Variants in XPO1 observed in about 807,000 individuals in gnomAD.
XPO1 encodes the protein exportin 1.
XPO1 carries 5 observed loss-of-function variants against 133.3 expected under a neutral mutation model. That is an observed-to-expected ratio of 0.04 (90% CI 0.02 to 0.08). The LOEUF is 0.08. Ranked by LOEUF, XPO1 falls within the 10% of genes least tolerant of loss-of-function variation. The pLI, the probability that XPO1 is intolerant of heterozygous loss-of-function variation, is 1.00. For synonymous variants in XPO1, 419 were observed against 408.2 expected (o/e 1.03, Z -0.32); for missense variants, 506 against 1,267.5 (o/e 0.40, Z 9.12).
chr2:61,518,094 C>T (rs1341201637), intron 4 of XPO1, among the ~76,000 whole-genome samples: 1 of 151,128 alleles, frequency 6.6e-6, no homozygotes, highest in African/African-American at 2.4e-5. Flanking sequence ...TGCGCCACTG[C>T]ACTCCAGCCT....
At chr2:61,482,902 C>T (rs539244230) in intron 22 of XPO1, 55 bp downstream of exon 22, 33 of 1,605,842 alleles carry the variant, frequency 2.1e-5, no homozygotes, top group African/African-American at 2.7e-5. Flanking sequence ...GGATTATAGG[C>T]GTGAGGCCCT....
chr2:61,524,955 C>A lies in XPO1; in HGVS notation c.228+1465G>T. Among the ~76,000 whole-genome samples, 2 of 150,938 alleles carry A rather than the reference C, an allele frequency of 1.3e-5. 1 individual carries two copies. The highest frequency in any genetic ancestry group is 3.0e-5 in the Non-Finnish European group (2 of 67,794). The stretch of plus-strand genomic sequence containing the variant: ...TCTTTTTTTTTTTAGTATTTTTGCT[C>A]AAAAATCTGAAGTGACAGTCAAATC... On this transcript the variant is annotated intron_variant, in intron 3 of 24. Coordinates refer to ENST00000401558, the MANE Select transcript of XPO1 (RefSeq NM_003400.4).
intron 4 of XPO1, among the ~76,000 whole-genome samples, chr2:61,514,789 T>C (rs1348633785): frequency 4.6e-5 from 7 of 151,946 alleles, no homozygotes; most frequent in Non-Finnish European, 1.5e-5. Flanking sequence ...AAAACATCCA[T>C]ATGGGCTGGG....
intron 24 of XPO1, among the ~76,000 whole-genome samples, chr2:61,479,345 G>T (rs116581568): frequency 0.012 from 1,882 of 152,102 alleles, 15 homozygotes; most frequent in Non-Finnish European, 0.019. Flanking sequence ...CCAGCTACTT[G>T]GGAGGCTGAG....
chr2:61,488,066 T>A (rs1696783612), intron 19 of XPO1, 99 bp downstream of exon 19: 1 of 989,516 alleles, frequency 1.0e-6, no homozygotes, highest in Non-Finnish European at 1.5e-6. Flanking sequence ...ACAAAGTTGA[T>A]ATGCTTTAAA....
intron 22 of XPO1, 126 bp downstream of exon 22, chr2:61,482,831 G>A (rs1241414397): frequency 2.7e-6 from 3 of 1,110,190 alleles, no homozygotes; most frequent in Admixed American, 5.5e-5. Context: ...CACCATGGTG[G>A]CCAGGCTGTT....
At chr2:61,535,417 C>G (rs1377167262) in intron 1 of XPO1, among the ~76,000 whole-genome samples, 1 of 152,146 alleles carries the variant, frequency 6.6e-6, no homozygotes, top group Non-Finnish European at 1.5e-5. Context: ...CCACTTCTTC[C>G]CATTTTAGGA....
chr2:61,527,916 A>G (rs1027267449), intron 2 of XPO1, among the ~76,000 whole-genome samples: 1 of 150,276 alleles, frequency 6.7e-6, no homozygotes, highest in East Asian at 2.0e-4. Context: ...TCCTTCCTTT[A>G]TTCCTTTTTT....
At chr2:61,521,369 A>G (rs935585995) in intron 4 of XPO1, among the ~76,000 whole-genome samples, 5 of 152,238 alleles carry the variant, frequency 3.3e-5, no homozygotes, top group South Asian at 2.1e-4. Flanking sequence ...GAAATTAGAC[A>G]TATTTTAAAT....
intron 1 of XPO1, 30 bp downstream of exon 1, chr2:61,537,532 C>T (rs1220993606): frequency 6.7e-6 from 1 of 149,380 alleles, no homozygotes; most frequent in East Asian, 2.0e-4. Flanking sequence ...CGCCGCCCGA[C>T]CCTCGGCCCC....
chr2:61,499,188 T>C (rs568224104), intron 7 of XPO1, among the ~76,000 whole-genome samples: 1 of 152,320 alleles, frequency 6.6e-6, no homozygotes, highest in African/African-American at 2.4e-5. Flanking sequence ...CAAATCTAGT[T>C]TTCTGTTTTG....
intron 4 of XPO1, among the ~76,000 whole-genome samples, chr2:61,503,844 G>C (rs1289227988): frequency 1.3e-5 from 2 of 152,204 alleles, no homozygotes; most frequent in Non-Finnish European, 2.9e-5. Context: ...TGGGATTATA[G>C]GCATGAGCCA....
At position 61,483,364 on chromosome 2, in the gene XPO1, G is replaced by T. The variant is rs13382473; in HGVS notation, c.2678-273C>A. On this transcript the variant is annotated intron_variant, in intron 21 of 24. Coordinates refer to ENST00000401558, the MANE Select transcript of XPO1 (RefSeq NM_003400.4). ...CATATAATGGACTTTGGGGACTTGT[G>T]GGGAAGGGCAGGAGTGGGTGAGGGA... The T allele has an allele frequency of 1.0e-2, 3,287 of 328,748 alleles. 102 individuals carry two copies. Among genetic ancestry groups the T allele is most frequent in the African/African-American group, 0.064 (2,940 of 46,238 alleles). The allele number at this position is 328,748 out of a possible 1,614,324, so 20.4% of individuals were successfully genotyped here.
At position 61,488,243 on chromosome 2, in the gene XPO1, A is replaced by G. The variant is rs762581181; in HGVS notation, c.2235T>C (p.Ile745=). 2 of 1,613,856 alleles carry G rather than the reference A, an allele frequency of 1.2e-6. No homozygotes were observed. The highest frequency in any genetic ancestry group is 1.7e-6 in the Non-Finnish European group (2 of 1,179,950). Residue 745 remains isoleucine (I), a synonymous_variant, in exon 19 of 25, where the codon ATT becomes ATC. Transcript: ENST00000401558. The part of the protein sequence containing the change: ...NGEMVTKQPL[I]RSMRTVKRET... ...CCCTTTTTACAGTTCGCATACTTCTAATCAATGGTTGCTTTGTAACCATTT... is the reference window on the plus strand; with the variant it reads ...CCCTTTTTACAGTTCGCATACTTCTGATCAATGGTTGCTTTGTAACCATTT...
intron 3 of XPO1, chr2:61,525,144 G>C: frequency 2.4e-6 from 1 of 418,460 alleles, no homozygotes; most frequent in Non-Finnish European, 3.2e-6. Context: ...CCCTATGGTA[G>C]AAATTTCTAC....
chr2:61,495,481 A>G lies in XPO1; in HGVS notation c.1021T>C (p.Leu341=), dbSNP rs1301703476. The G allele has an allele frequency of 2.6e-6, 4 of 1,561,646 alleles. No homozygotes were observed. Among genetic ancestry groups the G allele is most frequent in the Admixed American group, 1.8e-5 (1 of 55,506 alleles). The change falls in exon 11 of 25, where the codon TTA becomes CTA. Residue 341 remains leucine (L), a synonymous_variant. Transcript: ENST00000401558. ...KEHDQLIEKR[L]NLRETLMEAL... ...TCCATAAGAGTTTCCCTGAGATTTA[A>G]TCTTTTTTCTATAAGTTGATCATGT...
At chr2:61,513,363 CTTTTTT>C (rs55865110) in intron 4 of XPO1, among the ~76,000 whole-genome samples, 7 of 126,140 alleles carry the variant, frequency 5.5e-5, no homozygotes, top group Non-Finnish European at 6.6e-5. Context: ...TACAGAATAT[CTTTTTT>C]TTTTTTTTTT....
chr2:61,519,722 A>AC (rs1558668952), intron 4 of XPO1, among the ~76,000 whole-genome samples: 1 of 144,594 alleles, frequency 6.9e-6, no homozygotes, highest in Non-Finnish European at 1.5e-5. Context: ...AAAAAAAAAA[A>AC]ACACCACGTA....
At chr2:61,516,508 G>A (rs965054048) in intron 4 of XPO1, among the ~76,000 whole-genome samples, 3 of 151,560 alleles carry the variant, frequency 2.0e-5, no homozygotes, top group Admixed American at 6.6e-5. Flanking sequence ...TCTGCCTCCC[G>A]GGTTCAAGCG....
Sources: gnomAD v4.1 joint callset for allele counts (sites outside exome capture counted in the v4.1 genomes callset) on GRCh38, gnomAD v4.1.1 for gene constraint, MANE v1.5 for transcripts, NCBI Gene and HGNC (gene_info 2026-07-23, HGNC 2026-07-21) for gene names.